Variants in CNOT7 observed in about 807,000 individuals in gnomAD.
CNOT7 encodes BTG1-binding factor 1.
In CNOT7, 4 loss-of-function variants were observed where a neutral mutation model predicts 37.1. That is an observed-to-expected ratio of 0.11 (90% CI 0.05 to 0.25). CNOT7 has a LOEUF of 0.25. Ranked by LOEUF, CNOT7 falls within the 10% of genes least tolerant of loss-of-function variation. The probability of loss-of-function intolerance (pLI) is 1.00; values close to 1 mark genes in which losing one functional copy is unlikely to be tolerated. For synonymous variants in CNOT7, 128 were observed against 115.6 expected (o/e 1.11, Z -0.69); for missense variants, 170 against 336.2 (o/e 0.51, Z 3.87).
chr8:17,231,739 G>C (rs1044148536), intron 6 of CNOT7: 1 of 985,230 alleles, frequency 1.0e-6, no homozygotes, highest in African/African-American at 1.7e-5. Context: ...TAATTACTTA[G>C]GAGTAGATAA....
rs746540566 is a variant in CNOT7 at position 17,245,084 on chromosome 8, C to T, written c.69G>A (p.Glu23=). The change falls in exon 2 of 7, where the codon GAG becomes GAA. Residue 23 remains glutamate, a synonymous_variant. Coordinates refer to ENST00000361272, the MANE Select transcript of CNOT7 (RefSeq NM_013354.7). ...GGATAACTTGACGAATTTTCTTCAT[C>T]TCTTCATCCAAGTTGCAAGCCCAAA... The part of the protein sequence containing the change: ...CEVWACNLDE[E]MKKIRQVIRK... 18 of 1,613,730 alleles carry T rather than the reference C, an allele frequency of 1.1e-5. No homozygotes were observed. In the East Asian group the frequency reaches 4.0e-4, roughly 36 times the overall value.
intron 4 of CNOT7, among the ~76,000 whole-genome samples, chr8:17,236,535 TTTATA>T (rs1208959610): frequency 2.0e-5 from 3 of 152,170 alleles, no homozygotes; most frequent in Non-Finnish European, 4.4e-5. Flanking sequence ...GAATTTACTG[TTTATA>T]AAGTATTTTG....
At position 17,233,025 on chromosome 8, in the gene CNOT7, G is replaced by A. The variant is rs114726691; in HGVS notation, c.619-488C>T. ...AAGAGTATGCTAAATGCTTCACTAT[G>A]GTTTTCTTAGTTAAGACGAGTATAT... On this transcript the variant is annotated intron_variant, in intron 5 of 6. Coordinates refer to ENST00000361272, the MANE Select transcript of CNOT7 (RefSeq NM_013354.7). Among the ~76,000 whole-genome samples the A allele has an allele frequency of 4.8e-3, 729 of 152,184 alleles. 2 individuals are homozygous for A. The highest frequency in any genetic ancestry group is 0.017 in the African/African-American group (695 of 41,530).
intron 1 of CNOT7, among the ~76,000 whole-genome samples, chr8:17,245,462 T>C (rs1311819517): frequency 6.6e-6 from 1 of 152,206 alleles, no homozygotes; most frequent in Non-Finnish European, 1.5e-5. Flanking sequence ...TCAGTTATTT[T>C]AAAATAGCTT....
At chr8:17,231,927 G>C in intron 6 of CNOT7, 1 of 987,104 alleles carries the variant, frequency 1.0e-6, no homozygotes, top group Non-Finnish European at 1.2e-6. Flanking sequence ...CAGTAAAAGA[G>C]CCTGAGTTCT....
intron 3 of CNOT7, among the ~76,000 whole-genome samples, chr8:17,239,717 T>C (rs1000760237): frequency 7.2e-5 from 11 of 151,970 alleles, no homozygotes; most frequent in African/African-American, 2.4e-4. Flanking sequence ...ATGTTCTCGA[T>C]CTCCTGACCT....
At chr8:17,243,519 AATGCT>A (rs952016944) in intron 2 of CNOT7, 1 of 486,702 alleles carries the variant, frequency 2.1e-6, no homozygotes, top group African/African-American at 1.9e-5. Flanking sequence ...ACAGTATTCC[AATGCT>A]AAAACCAAGT....
Position 17,229,347 on chromosome 8 carries a change from A to G in CNOT7, c.*1373T>C, listed in dbSNP as rs1156811645. 6.6e-6 allele frequency: 1 copy of G among 152,306 alleles called. No homozygotes were observed. Among genetic ancestry groups the G allele is most frequent in the Non-Finnish European group, 1.5e-5 (1 of 67,836 alleles). The allele number at this position is 152,306 out of a possible 1,614,324, so 9.4% of individuals were successfully genotyped here. Reference sequence around the variant, plus strand: ...CACCCAGTTACAGCACTGTAATATCATGAATAAAGAATGTACAAGGGAGAC... The same window carrying G: ...CACCCAGTTACAGCACTGTAATATCGTGAATAAAGAATGTACAAGGGAGAC... On this transcript the variant is annotated 3_prime_UTR_variant, in exon 7 of 7. Transcript: ENST00000361272.
chr8:17,232,127 A>G, intron 6 of CNOT7: 1 of 1,058,972 alleles, frequency 9.4e-7, no homozygotes, highest in Non-Finnish European at 1.2e-6. Flanking sequence ...TTAATCATGG[A>G]AGTTATTAGC....
Position 17,232,175 on chromosome 8 carries a change from C to T in CNOT7, c.729+252G>A, listed in dbSNP as rs1047960565. 2.3e-5 allele frequency: 29 copies of T among 1,243,150 alleles called. No homozygotes were observed. The African/African-American group carries it at 3.9e-4, about 17-fold the overall frequency. 77.0% of individuals were successfully genotyped at this position (1,243,150 alleles called of 1,614,324 possible). ...CTGAGAAATAATATGGTTGGACCTA[C>T]ATGACTTCTCAGGTAGTTTATGTTT... is the stretch of plus-strand genomic sequence containing the variant. On this transcript the variant is annotated intron_variant, in intron 6 of 6. Transcript: ENST00000361272.
At chr8:17,235,844 G>A (rs902207736) in intron 4 of CNOT7, among the ~76,000 whole-genome samples, 2 of 152,150 alleles carry the variant, frequency 1.3e-5, no homozygotes, top group Admixed American at 6.5e-5. Context: ...AAATATATCA[G>A]TCTAACTTAG....
At chr8:17,244,883 T>C (rs1810684540) in intron 2 of CNOT7, 153 bp downstream of exon 2, 1 of 637,136 alleles carries the variant, frequency 1.6e-6, no homozygotes, top group Non-Finnish European at 2.7e-6. Flanking sequence ...GGTGTATTCC[T>C]GATGGATTTT....
intron 2 of CNOT7, among the ~76,000 whole-genome samples, chr8:17,244,150 C>T (rs1585850110): frequency 6.6e-6 from 1 of 152,040 alleles, no homozygotes; most frequent in Admixed American, 6.5e-5. Flanking sequence ...GTTTATGGAG[C>T]TAATAATAAT....
At chr8:17,238,030 T>G (rs1432441374) in intron 3 of CNOT7, among the ~76,000 whole-genome samples, 1 of 152,192 alleles carries the variant, frequency 6.6e-6, no homozygotes, top group Non-Finnish European at 1.5e-5. Flanking sequence ...CCAGGAAATC[T>G]AAATATAAAC....
intron 3 of CNOT7, chr8:17,241,911 A>G (rs1392330860): frequency 6.6e-6 from 1 of 152,228 alleles, no homozygotes; most frequent in Non-Finnish European, 1.5e-5. Context: ...ACAATTAATA[A>G]AAACAAGATA....
At chr8:17,232,312 T>A in intron 6 of CNOT7, 115 bp downstream of exon 6, 1 of 1,567,128 alleles carries the variant, frequency 6.4e-7, no homozygotes, top group South Asian at 1.2e-5. Flanking sequence ...TCATATGGTA[T>A]CTCTAATTAT....
Position 17,245,153 on chromosome 8 carries a change from A to C in CNOT7, c.-1T>G, listed in dbSNP as rs369921308. The C allele has an allele frequency of 6.2e-7, 1 of 1,611,742 alleles. No individual in the cohort carries two copies. The highest frequency in any genetic ancestry group is 2.2e-5 in the East Asian group (1 of 44,876). On this transcript the variant is annotated 5_prime_UTR_variant, in exon 2 of 7. Coordinates refer to ENST00000361272, the MANE Select transcript of CNOT7 (RefSeq NM_013354.7). ...TATGATCTACAGTTGCCGCTGGCAT[A>C]GTGAGGGCACAAGGGAGTCTAGATG...
At chr8:17,239,131 T>A (rs1223087443) in intron 3 of CNOT7, among the ~76,000 whole-genome samples, 1 of 152,192 alleles carries the variant, frequency 6.6e-6, no homozygotes, top group African/African-American at 2.4e-5. Flanking sequence ...CGGCTCACTG[T>A]AGCCTTGACC....
At position 17,243,194 on chromosome 8, in the gene CNOT7, T is replaced by C. The variant is rs376663123; in HGVS notation, c.118-9A>G. The C allele has an allele frequency of 1.0e-5, 16 of 1,578,784 alleles. No homozygotes were observed. The highest frequency in any genetic ancestry group is 2.7e-5 in the African/African-American group (2 of 73,050). ...CCTGGAAACTCGGTGTCCTGTAAAA[T>C]AGTTTTAAGATTCATTATGTACTAA... On this transcript the variant is annotated splice_polypyrimidine_tract_variant and intron_variant, in intron 2 of 6. Coordinates refer to ENST00000361272, the MANE Select transcript of CNOT7 (RefSeq NM_013354.7).
Sources: gnomAD v4.1 joint callset for allele counts (sites outside exome capture counted in the v4.1 genomes callset) on GRCh38, gnomAD v4.1.1 for gene constraint, MANE v1.5 for transcripts, NCBI Gene and HGNC (gene_info 2026-07-23, HGNC 2026-07-21) for gene names.